The following DIAPH2 variants were observed in gnomAD, a reference collection of about 807,000 sequenced individuals.
DIAPH2 encodes the protein diaphanous related formin 2, also known as protein diaphanous homolog 2.
Under a neutral mutation model 92.7 loss-of-function variants are expected in DIAPH2, and 35 were observed. That is an observed-to-expected ratio of 0.38 (90% confidence interval 0.29 to 0.50). DIAPH2 has a LOEUF of 0.50. DIAPH2 is among the 20% of genes least tolerant of loss of function. The pLI, the probability that DIAPH2 is intolerant of heterozygous loss-of-function variation, is 0.94. For missense variants in DIAPH2, 701 were observed against 819.5 expected (o/e 0.86, Z 1.77); for synonymous variants, 301 against 280.4 (o/e 1.07, Z -0.73).
intron 23 of DIAPH2, among the ~76,000 whole-genome samples, chrX:97,307,974 A>G (rs1279426373): frequency 9.1e-6 from 1 of 110,205 alleles, no homozygotes; most frequent in Non-Finnish European, 1.9e-5. Flanking sequence ...GCATGACTCA[A>G]CCTTCTTTAG....
chrX:97,570,889 C>G (rs2071365851), intron 26 of DIAPH2, among the ~76,000 whole-genome samples: 1 of 111,461 alleles, frequency 9.0e-6, no homozygotes, highest in South Asian at 3.8e-4. Context: ...AGGACAGAAC[C>G]TAATCCCTCC....
chrX:96,748,421 A>T (rs1044289302), intron 3 of DIAPH2, among the ~76,000 whole-genome samples: 1 of 112,045 alleles, frequency 8.9e-6, no homozygotes, highest in Middle Eastern at 4.6e-3. Flanking sequence ...AGCCCTGTGT[A>T]GGGGCTCAGG....
At chrX:97,146,504 C>T (rs2067248884) in intron 22 of DIAPH2, among the ~76,000 whole-genome samples, 1 of 110,685 alleles carries the variant, frequency 9.0e-6, no homozygotes, top group Admixed American at 9.7e-5. Context: ...AAGATCTTTT[C>T]TGTGTGGTAT....
In DIAPH2 at chrX:96,881,558, G is replaced by A. The variant is rs760149796; in HGVS notation, c.448-21G>A. On this transcript the variant is annotated intron_variant, in intron 4 of 26. Transcript: ENST00000324765. ...TTTTTTTGAAACATTGTCTAAAATGGTCTCTTTGTTTATTTTATAGGGTGG... is the reference window on the plus strand; with the variant it reads ...TTTTTTTGAAACATTGTCTAAAATGATCTCTTTGTTTATTTTATAGGGTGG... The A allele has an allele frequency of 6.8e-6, 8 of 1,175,743 alleles. No homozygotes were observed. In the South Asian group the frequency reaches 1.6e-4, roughly 23 times the overall value.
At chrX:96,766,800 A>C (rs891620014) in intron 4 of DIAPH2, among the ~76,000 whole-genome samples, 1 of 112,287 alleles carries the variant, frequency 8.9e-6, no homozygotes, top group Admixed American at 9.4e-5. Context: ...AATGTTGATT[A>C]GAAGCAGAAA....
intron 17 of DIAPH2, among the ~76,000 whole-genome samples, chrX:97,054,826 C>A (rs891336975): frequency 1.8e-5 from 2 of 110,096 alleles, no homozygotes; most frequent in Non-Finnish European, 3.8e-5. Flanking sequence ...AAAAAGATAA[C>A]CCCAGTAATG....
At chrX:97,066,320 TACAAATA>T (rs960670310) in intron 17 of DIAPH2, among the ~76,000 whole-genome samples, 16 of 112,431 alleles carry the variant, frequency 1.4e-4, no homozygotes, top group African/African-American at 4.5e-4. Flanking sequence ...TGTTTAGATA[TACAAATA>T]CCATTTTGTT....
At position 97,601,564 on chromosome X, in the gene DIAPH2, A is replaced by G. The variant is rs2071596289; in HGVS notation, c.*2247A>G. ...GCCATTTGCAGTTTTGTTTTAGATG[A>G]TTGGAAAGTATATCACCAAAAAAAG... On this transcript the variant is annotated 3_prime_UTR_variant, in exon 27 of 27. Transcript: ENST00000324765. 1 of 111,776 alleles carries G rather than the reference A, an allele frequency of 8.9e-6. No homozygotes were observed. The highest frequency in any genetic ancestry group is 1.9e-5 in the Non-Finnish European group (1 of 53,109). 9.2% of individuals were successfully genotyped at this position (111,776 alleles called of 1,213,427 possible). A position where few individuals can be genotyped will look rare whatever the true frequency, so the allele number is the denominator to read the frequency against.
At chrX:97,013,845 C>T (rs2066243081) in intron 17 of DIAPH2, among the ~76,000 whole-genome samples, 1 of 111,646 alleles carries the variant, frequency 9.0e-6, no homozygotes, top group Non-Finnish European at 1.9e-5. Context: ...ACTGTTTTAG[C>T]AACCAAGAAG....
intron 26 of DIAPH2, among the ~76,000 whole-genome samples, chrX:97,560,500 C>CT (rs774695211): frequency 0.027 from 2,834 of 106,574 alleles, 34 homozygotes; most frequent in Non-Finnish European, 0.039. Flanking sequence ...ACTGTGTCTT[C>CT]TTTTTTTTTT....
intron 22 of DIAPH2, among the ~76,000 whole-genome samples, chrX:97,184,690 A>AGT (rs1181066041): frequency 8.9e-6 from 1 of 111,770 alleles, no homozygotes; most frequent in Non-Finnish European, 1.9e-5. Context: ...ACACTATCTT[A>AGT]GTAATGTTAA....
intron 25 of DIAPH2, among the ~76,000 whole-genome samples, chrX:97,400,960 G>C (rs746156522): frequency 9.4e-6 from 1 of 106,267 alleles, no homozygotes; most frequent in South Asian, 4.4e-4. Flanking sequence ...ACGAACTCCT[G>C]GGCTCAAGTG....
chrX:96,894,807 T>C (rs754838269), intron 5 of DIAPH2, among the ~76,000 whole-genome samples: 3 of 110,740 alleles, frequency 2.7e-5, no homozygotes, highest in Non-Finnish European at 5.7e-5. Context: ...TCTGTTGAAA[T>C]CATGTGTCTT....
chrX:96,858,993 G>T (rs1723695223), intron 4 of DIAPH2, among the ~76,000 whole-genome samples: 1 of 112,008 alleles, frequency 8.9e-6, no homozygotes, highest in Admixed American at 9.5e-5. Context: ...ACATGTATTT[G>T]TGTCTCATGT....
intron 26 of DIAPH2, among the ~76,000 whole-genome samples, chrX:97,483,189 T>C (rs1344546206): frequency 1.8e-5 from 2 of 110,032 alleles, no homozygotes; most frequent in African/African-American, 6.6e-5. Context: ...TCATACTAGA[T>C]TGATAGTTCA....
intron 19 of DIAPH2, among the ~76,000 whole-genome samples, chrX:97,077,490 G>GT (rs955203044): frequency 7.2e-5 from 8 of 111,814 alleles, no homozygotes; most frequent in African/African-American, 2.6e-4. Flanking sequence ...CATAATTATT[G>GT]TTTTTTGCTC....
At chrX:96,980,998 CAAAAA>C (rs1204120424) in intron 17 of DIAPH2, among the ~76,000 whole-genome samples, 14 of 45,514 alleles carry the variant, frequency 3.1e-4, no homozygotes, top group African/African-American at 1.3e-3. Context: ...CCATCTCTAC[CAAAAA>C]AAAAAAAAAA....
At chrX:97,395,493 G>A (rs1221167895) in intron 25 of DIAPH2, among the ~76,000 whole-genome samples, 1 of 112,076 alleles carries the variant, frequency 8.9e-6, no homozygotes, top group Non-Finnish European at 1.9e-5. Context: ...CAGAGCATCA[G>A]TGATCAGTAT....
intron 26 of DIAPH2, among the ~76,000 whole-genome samples, chrX:97,471,726 CAG>C (rs2070565897): frequency 1.0e-5 from 1 of 99,588 alleles, no homozygotes; most frequent in African/African-American, 3.7e-5. Flanking sequence ...AAGAAAAACA[CAG>C]AAAGAGTGGA....
Sources: gnomAD v4.1 joint callset for allele counts (sites outside exome capture counted in the v4.1 genomes callset) on GRCh38, gnomAD v4.1.1 for gene constraint, MANE v1.5 for transcripts, NCBI Gene and HGNC (gene_info 2026-07-23, HGNC 2026-07-21) for gene names.